The following H2BC15 variants were observed in gnomAD, a reference collection of about 807,000 sequenced individuals.
The protein encoded by H2BC15 is H2B clustered histone 15.
Under a neutral mutation model 6.6 loss-of-function variants are expected in H2BC15, and 5 were observed. The ratio of observed to expected loss-of-function variants is 0.75; its 90% confidence interval spans 0.39 to 1.59. The LOEUF (loss-of-function observed/expected upper bound fraction) is 1.59, where lower values mean the gene tolerates loss of function less well. H2BC15 is among the 40% of genes most tolerant of loss of function. The probability of loss-of-function intolerance (pLI) is 0.02; values close to 1 mark genes in which losing one functional copy is unlikely to be tolerated. For missense variants in H2BC15, 148 were observed against 169.4 expected, an observed-to-expected ratio of 0.87 and a Z score of 0.70; for synonymous variants, 87 against 75.2, an observed-to-expected ratio of 1.16 and a Z score of -0.81.
At position 27,839,107 on chromosome 6, in the gene H2BC15, C is replaced by T; in HGVS notation, c.*65C>T. The T allele has an allele frequency of 1.3e-6, 2 of 1,571,022 alleles. No homozygotes were observed. Among genetic ancestry groups the T allele is most frequent in the South Asian group, 1.2e-5 (1 of 85,756 alleles). Reference sequence around the variant, plus strand: ...ACCCCAAAGGCTCTTTTCAGAGCCACTCAGTCTTCCCAAAGAGAACTGGCA... The same window carrying T: ...ACCCCAAAGGCTCTTTTCAGAGCCATTCAGTCTTCCCAAAGAGAACTGGCA... On this transcript the variant is annotated 3_prime_UTR_variant, in exon 1 of 1. Transcript: ENST00000612898.
Position 27,838,887 on chromosome 6 carries a change from G to C in H2BC15, c.226G>C (p.Gly76Arg). Residue 76 changes from glycine to arginine, a missense_variant, in exon 1 of 1, where the codon GGC (glycine) becomes CGC (arginine). Physicochemically the swap from Gly to Arg is moderately radical, Grantham distance 125. Coordinates refer to ENST00000612898, the MANE Select transcript of H2BC15 (RefSeq NM_003520.4). ...FVNDIFERIA[G>R]EASRLAHYNK... ...CAATGACATCTTCGAGCGCATCGCCGGCGAGGCTTCCCGCCTGGCGCATTA... is the reference window on the plus strand; with the variant it reads ...CAATGACATCTTCGAGCGCATCGCCCGCGAGGCTTCCCGCCTGGCGCATTA... The C allele has an allele frequency of 6.2e-7, 1 of 1,614,226 alleles. No homozygotes were observed. The highest frequency in any genetic ancestry group is 2.2e-5 in the East Asian group (1 of 44,880).
At position 27,838,952 on chromosome 6, in the gene H2BC15, G is replaced by T; in HGVS notation, c.291G>T (p.Thr97=). ...CCATCACCTCCAGGGAGATCCAGAC[G>T]GCCGTGCGCCTGCTGCTGCCAGGGG... ...RSTITSREIQ[T]AVRLLLPGEL... Residue 97 remains threonine (T), a synonymous_variant, in exon 1 of 1, where the codon ACG becomes ACT. Transcript: ENST00000612898. The T allele has an allele frequency of 6.2e-7, 1 of 1,614,262 alleles. No homozygotes were observed. Among genetic ancestry groups the T allele is most frequent in the Non-Finnish European group, 8.5e-7 (1 of 1,180,048 alleles).
rs759275537 is a variant in H2BC15, at chr6:27,838,728, CAGA to C, written c.73_75del (p.Lys25del). The C allele has an allele frequency of 1.2e-5, 20 of 1,614,086 alleles. No homozygotes were observed. The highest frequency in any genetic ancestry group is 1.6e-5 in the Non-Finnish European group (19 of 1,180,044). On this transcript the variant is annotated inframe_deletion, in exon 1 of 1. Transcript: ENST00000612898. The stretch of plus-strand genomic sequence containing the variant: ...CTCCAAGAAGGCAGTGACAAAGGCC[CAGA>C]AGAAGGACGGCAAGAAGCGCAAGCG...
rs759481719 is a variant in H2BC15 at position 27,838,817 on chromosome 6, C to T, written c.156C>T (p.Asp52=). The T allele has an allele frequency of 7.1e-5, 115 of 1,614,274 alleles. No individual in the cohort carries two copies. The East Asian group carries it at 2.3e-3, about 33-fold the overall frequency. The part of the protein sequence containing the change: ...VYKVLKQVHP[D]TGISSKAMGI... ...AGGTGCTGAAGCAGGTCCACCCCGACACCGGTATCTCGTCCAAGGCCATGG... is the reference window on the plus strand; with the variant it reads ...AGGTGCTGAAGCAGGTCCACCCCGATACCGGTATCTCGTCCAAGGCCATGG... Residue 52 remains aspartate (D), a synonymous_variant, in exon 1 of 1, where the codon GAC becomes GAT. Coordinates refer to ENST00000612898, the MANE Select transcript of H2BC15 (RefSeq NM_003520.4).
At position 27,838,624 on chromosome 6, in the gene H2BC15, GT is replaced by G. The variant is rs770490807; in HGVS notation, c.-31del. 3.3e-5 allele frequency: 53 copies of G among 1,609,206 alleles called. No homozygotes were observed. Among genetic ancestry groups the G allele is most frequent in the Non-Finnish European group, 4.2e-5 (50 of 1,177,608 alleles). ...AGGTTGACAGAGCTACCGTCTTCCTGTTTTTTTCCTCCAATTTTCCGGCAGT... is the reference window on the plus strand; with the variant it reads ...AGGTTGACAGAGCTACCGTCTTCCTGTTTTTTCCTCCAATTTTCCGGCAGT... On this transcript the variant is annotated 5_prime_UTR_variant, in exon 1 of 1. Transcript: ENST00000612898.
rs544443198 is a variant in H2BC15, at chr6:27,838,961, C to T, written c.300C>T (p.Arg100=). 6.2e-7 allele frequency: 1 copy of T among 1,614,254 alleles called. No individual in the cohort carries two copies. Residue 100 remains arginine, a synonymous_variant, in exon 1 of 1, where the codon CGC becomes CGT. Transcript: ENST00000612898. ...ITSREIQTAV[R]LLLPGELAKH... ...CCAGGGAGATCCAGACGGCCGTGCGCCTGCTGCTGCCAGGGGAGCTGGCCA... is the reference window on the plus strand; with the variant it reads ...CCAGGGAGATCCAGACGGCCGTGCGTCTGCTGCTGCCAGGGGAGCTGGCCA...
chr6:27,838,821 G>C lies in H2BC15; in HGVS notation c.160G>C (p.Gly54Arg). 1 of 1,614,248 alleles carries C rather than the reference G, an allele frequency of 6.2e-7. No individual in the cohort carries two copies. The highest frequency in any genetic ancestry group is 8.5e-7 in the Non-Finnish European group (1 of 1,180,040). Reference protein sequence around the residue: ...KVLKQVHPDTGISSKAMGIMN... With the variant: ...KVLKQVHPDTRISSKAMGIMN... Reference sequence around the variant, plus strand: ...GCTGAAGCAGGTCCACCCCGACACCGGTATCTCGTCCAAGGCCATGGGCAT... The same window carrying C: ...GCTGAAGCAGGTCCACCCCGACACCCGTATCTCGTCCAAGGCCATGGGCAT... The change falls in exon 1 of 1, where the codon GGT (glycine) becomes CGT (arginine). Residue 54 changes from glycine (G) to arginine (R), a missense_variant. Coordinates refer to ENST00000612898, the MANE Select transcript of H2BC15 (RefSeq NM_003520.4).
Position 27,838,569 on chromosome 6 carries a change from A to G in H2BC15, c.-93A>G, listed in dbSNP as rs1761083071. Reference sequence around the variant, plus strand: ...AACGCACAACTTCATTCTCTACCCCACTTGCGTTAAGAAGCAGTGAATAAG... The same window carrying G: ...AACGCACAACTTCATTCTCTACCCCGCTTGCGTTAAGAAGCAGTGAATAAG... On this transcript the variant is annotated 5_prime_UTR_variant, in exon 1 of 1. Transcript: ENST00000612898. 1.3e-6 allele frequency: 2 copies of G among 1,553,274 alleles called. No individual in the cohort carries two copies. Among genetic ancestry groups the G allele is most frequent in the Non-Finnish European group, 1.7e-6 (2 of 1,149,528 alleles).
chr6:27,838,671 C>T lies in H2BC15; in HGVS notation c.10C>T (p.Pro4Ser), dbSNP rs1477558418. The T allele has an allele frequency of 6.2e-7, 1 of 1,614,000 alleles. No homozygotes were observed. Among genetic ancestry groups the T allele is most frequent in the South Asian group, 1.1e-5 (1 of 91,078 alleles). MPE[P>S]SKSAPAPKKG... ...GCAGTTACTCCCAGTCATGCCCGAG[C>T]CCTCAAAGTCCGCTCCTGCCCCGAA... The change falls in exon 1 of 1, where the codon CCC becomes TCC. Residue 4 changes from proline to serine, a missense_variant. Transcript: ENST00000612898.
In H2BC15 at chr6:27,838,675, C is replaced by T. The variant is rs1171764381; in HGVS notation, c.14C>T (p.Ser5Leu). Residue 5 changes from serine to leucine, a missense_variant, in exon 1 of 1, where the codon TCA becomes TTA. Around this residue, in one of 2 missense-constraint regions of H2BC15, gnomAD observed 90 missense variants for 74.7 expected, o/e 1.20. Transcript: ENST00000612898. ...TTACTCCCAGTCATGCCCGAGCCCTCAAAGTCCGCTCCTGCCCCGAAGAAA... is the reference window on the plus strand; with the variant it reads ...TTACTCCCAGTCATGCCCGAGCCCTTAAAGTCCGCTCCTGCCCCGAAGAAA... MPEP[S>L]KSAPAPKKGS... 2 of 1,614,116 alleles carry T rather than the reference C, an allele frequency of 1.2e-6. No homozygotes were observed. The highest frequency in any genetic ancestry group is 1.7e-6 in the Non-Finnish European group (2 of 1,180,006).
Position 27,838,584 on chromosome 6 carries a change from C to A in H2BC15, c.-78C>A. 1 of 1,570,770 alleles carries A rather than the reference C, an allele frequency of 6.4e-7. No homozygotes were observed. The highest frequency in any genetic ancestry group is 8.6e-7 in the Non-Finnish European group (1 of 1,158,806). On this transcript the variant is annotated 5_prime_UTR_variant, in exon 1 of 1. Transcript: ENST00000612898. ...TCTCTACCCCACTTGCGTTAAGAAG[C>A]AGTGAATAAGCGGTAGGTTGACAGA...
Position 27,839,104 on chromosome 6 carries a change from C to A in H2BC15, c.*62C>A. 6.3e-7 allele frequency: 1 copy of A among 1,576,378 alleles called. No individual in the cohort carries two copies. On this transcript the variant is annotated 3_prime_UTR_variant, in exon 1 of 1. Transcript: ENST00000612898. ...CACACCCCAAAGGCTCTTTTCAGAG[C>A]CACTCAGTCTTCCCAAAGAGAACTG... is the stretch of plus-strand genomic sequence containing the variant.
In H2BC15 at chr6:27,839,039, G is replaced by T. The variant is rs1389530095; in HGVS notation, c.378G>T (p.Lys126Asn). 6.2e-7 allele frequency: 1 copy of T among 1,613,848 alleles called. No individual in the cohort carries two copies. Among genetic ancestry groups the T allele is most frequent in the Non-Finnish European group, 8.5e-7 (1 of 1,179,820 alleles). ...TKAVTKYTSS[K>N] Reference sequence around the variant, plus strand: ...CCGTCACCAAGTACACCAGTTCCAAGTGAGCCCGCCCACCGCGGAACGTTC... The same window carrying T: ...CCGTCACCAAGTACACCAGTTCCAATTGAGCCCGCCCACCGCGGAACGTTC... Residue 126 changes from lysine (K) to asparagine (N), a missense_variant, in exon 1 of 1, where the codon AAG becomes AAT. Physicochemically the swap from Lys to Asn is moderately conservative, Grantham distance 94. This residue lies in a region of H2BC15 where 58 missense variants were observed against 94.6 expected (regional missense o/e 0.61). Transcript: ENST00000612898.
Position 27,838,961 on chromosome 6 carries a change from C to G in H2BC15, c.300C>G (p.Arg100=), listed in dbSNP as rs544443198. 10 of 1,614,254 alleles carry G rather than the reference C, an allele frequency of 6.2e-6. No individual in the cohort carries two copies. In the East Asian group the frequency reaches 2.2e-4, roughly 36 times the overall value. ...CCAGGGAGATCCAGACGGCCGTGCG[C>G]CTGCTGCTGCCAGGGGAGCTGGCCA... ...ITSREIQTAV[R]LLLPGELAKH... The change falls in exon 1 of 1, where the codon CGC becomes CGG. Residue 100 remains arginine (R), a synonymous_variant. Transcript: ENST00000612898.
rs2113898041 is a variant in H2BC15 at position 27,838,822 on chromosome 6, G to A, written c.161G>A (p.Gly54Asp). ...CTGAAGCAGGTCCACCCCGACACCG[G>A]TATCTCGTCCAAGGCCATGGGCATC... ...KVLKQVHPDT[G>D]ISSKAMGIMN... The change falls in exon 1 of 1, where the codon GGT becomes GAT. Residue 54 changes from glycine (G) to aspartate (D), a missense_variant. This residue lies in a region of H2BC15 where 90 missense variants were observed against 74.7 expected (regional missense o/e 1.20). Coordinates refer to ENST00000612898, the MANE Select transcript of H2BC15 (RefSeq NM_003520.4). 1 of 1,614,282 alleles carries A rather than the reference G, an allele frequency of 6.2e-7. No homozygotes were observed. The highest frequency in any genetic ancestry group is 1.3e-5 in the African/African-American group (1 of 75,082).
chr6:27,838,737 G>C lies in H2BC15; in HGVS notation c.76G>C (p.Asp26His). The change falls in exon 1 of 1, where the codon GAC becomes CAC. Residue 26 changes from aspartate to histidine, a missense_variant. Physicochemically the swap from Asp to His is moderately conservative, Grantham distance 81. This residue lies in a region of H2BC15 where 90 missense variants were observed against 74.7 expected (regional missense o/e 1.20). Coordinates refer to ENST00000612898, the MANE Select transcript of H2BC15 (RefSeq NM_003520.4). ...KKAVTKAQKK[D>H]GKKRKRSRKE... ...GGCAGTGACAAAGGCCCAGAAGAAG[G>C]ACGGCAAGAAGCGCAAGCGCAGCCG... 3 of 1,614,232 alleles carry C rather than the reference G, an allele frequency of 1.9e-6. No individual in the cohort carries two copies. The highest frequency in any genetic ancestry group is 2.5e-6 in the Non-Finnish European group (3 of 1,180,032).
At position 27,838,932 on chromosome 6, in the gene H2BC15, A is replaced by C. The variant is rs753390974; in HGVS notation, c.271A>C (p.Thr91Pro). 35 of 1,613,952 alleles carry C rather than the reference A, an allele frequency of 2.2e-5. No homozygotes were observed. The African/African-American group carries it at 4.5e-4, about 21-fold the overall frequency. Residue 91 changes from threonine (T) to proline (P), a missense_variant, in exon 1 of 1, where the codon ACC (threonine) becomes CCC (proline). By Grantham distance (38) the Thr-to-Pro change is conservative (BLOSUM62 -1). Around this residue, in one of 2 missense-constraint regions of H2BC15, gnomAD observed 58 missense variants for 94.6 expected, o/e 0.61. Transcript: ENST00000612898. ...LAHYNKRSTI[T>P]SREIQTAVRL... ...GCATTACAACAAGCGCTCGACCATCACCTCCAGGGAGATCCAGACGGCCGT... is the reference window on the plus strand; with the variant it reads ...GCATTACAACAAGCGCTCGACCATCCCCTCCAGGGAGATCCAGACGGCCGT...
Position 27,838,640 on chromosome 6 carries a change from T to A in H2BC15, c.-22T>A, listed in dbSNP as rs1761085387. 6.2e-7 allele frequency: 1 copy of A among 1,610,384 alleles called. No individual in the cohort carries two copies. The highest frequency in any genetic ancestry group is 8.5e-7 in the Non-Finnish European group (1 of 1,178,412). On this transcript the variant is annotated 5_prime_UTR_variant, in exon 1 of 1. Coordinates refer to ENST00000612898, the MANE Select transcript of H2BC15 (RefSeq NM_003520.4). ...CGTCTTCCTGTTTTTTTCCTCCAATTTTCCGGCAGTTACTCCCAGTCATGC... is the reference window on the plus strand; with the variant it reads ...CGTCTTCCTGTTTTTTTCCTCCAATATTCCGGCAGTTACTCCCAGTCATGC...
chr6:27,838,906 C>T lies in H2BC15; in HGVS notation c.245C>T (p.Ala82Val), dbSNP rs776031962. 2 of 1,614,266 alleles carry T rather than the reference C, an allele frequency of 1.2e-6. No homozygotes were observed. Among genetic ancestry groups the T allele is most frequent in the South Asian group, 2.2e-5 (2 of 91,090 alleles). Reference protein sequence around the residue: ...ERIAGEASRLAHYNKRSTITS... With the variant: ...ERIAGEASRLVHYNKRSTITS... ...ATCGCCGGCGAGGCTTCCCGCCTGG[C>T]GCATTACAACAAGCGCTCGACCATC... The change falls in exon 1 of 1, where the codon GCG becomes GTG. Residue 82 changes from alanine to valine, a missense_variant. Around this residue, in one of 2 missense-constraint regions of H2BC15, gnomAD observed 58 missense variants for 94.6 expected, o/e 0.61. Coordinates refer to ENST00000612898, the MANE Select transcript of H2BC15 (RefSeq NM_003520.4).
Sources: gnomAD v4.1 joint callset for allele counts on GRCh38, gnomAD v4.1.1 for gene constraint, gnomAD v4.1.1 regional missense constraint, MANE v1.5 for transcripts, NCBI Gene and HGNC (gene_info 2026-07-23, HGNC 2026-07-21) for gene names.